Variants in CEP63 observed in about 807,000 individuals in gnomAD.
The protein encoded by CEP63 is centrosomal protein of 63 kDa.
A neutral mutation model predicts 89.1 loss-of-function variants in CEP63; 84 were observed. That is an observed-to-expected ratio of 0.94 (90% CI 0.79 to 1.13). The LOEUF (loss-of-function observed/expected upper bound fraction) is 1.13, where lower values mean the gene tolerates loss of function less well. CEP63 is among the 50% of genes most tolerant of loss of function. CEP63 has a pLI of 0.00. For missense variants in CEP63, 838 were observed against 813.3 expected, an observed-to-expected ratio of 1.03 and a Z score of -0.37; for synonymous variants, 267 against 272.5, an observed-to-expected ratio of 0.98 and a Z score of 0.20.
At chr3:134,723,045 G>T in the CEP63 span, among the ~76,000 whole-genome samples, 3 of 152,166 alleles carry the variant, frequency 2.0e-5, no homozygotes, top group Admixed American at 2.0e-4. Flanking sequence ...CTTGCCAAAT[G>T]CCCTGCTAAA....
chr3:134,598,218 G>C, the CEP63 span, among the ~76,000 whole-genome samples: 12 of 152,156 alleles, frequency 7.9e-5, no homozygotes, highest in Non-Finnish European at 2.9e-5. Flanking sequence ...AACACCCCTC[G>C]TTTCCCTGTG....
the CEP63 span, among the ~76,000 whole-genome samples, chr3:134,656,775 G>T: frequency 1.3e-5 from 2 of 152,298 alleles, no homozygotes; most frequent in South Asian, 4.2e-4. Flanking sequence ...CCCCAGCTCA[G>T]TTGTCAGACT....
chr3:134,551,331 C>T (rs934142667), intron 11 of CEP63, among the ~76,000 whole-genome samples: 2 of 151,936 alleles, frequency 1.3e-5, no homozygotes, highest in Non-Finnish European at 2.9e-5. Context: ...AGAGAAGTGA[C>T]TCAAACCAAA....
chr3:134,681,816 C>G, the CEP63 span, among the ~76,000 whole-genome samples: 1 of 152,206 alleles, frequency 6.6e-6, no homozygotes, highest in Non-Finnish European at 1.5e-5. Context: ...GTCCTCACAA[C>G]CACTCTATGA....
At chr3:134,500,152 G>A (rs1301999083) in intron 2 of CEP63, among the ~76,000 whole-genome samples, 1 of 152,094 alleles carries the variant, frequency 6.6e-6, no homozygotes, top group South Asian at 2.1e-4. Flanking sequence ...ATGTCTGTGT[G>A]TACTCAATGT....
intron 3 of CEP63, among the ~76,000 whole-genome samples, chr3:134,517,289 G>A (rs757624852): frequency 6.6e-6 from 1 of 152,106 alleles, no homozygotes; most frequent in Non-Finnish European, 1.5e-5. Context: ...AATGTGTCTA[G>A]TTAAATAGTT....
the CEP63 span, chr3:134,615,427 A>C: frequency 1.4e-5 from 2 of 147,240 alleles, no homozygotes; most frequent in African/African-American, 2.5e-5. Context: ...CATATTCCTC[A>C]TAGCTGACAT....
At chr3:134,717,897 GA>G in the CEP63 span, among the ~76,000 whole-genome samples, 6 of 152,122 alleles carry the variant, frequency 3.9e-5, no homozygotes, top group African/African-American at 1.4e-4. Flanking sequence ...TTGGTGATGG[GA>G]GCCCACTCTT....
chr3:134,503,434 A>G (rs1283263571), intron 2 of CEP63, among the ~76,000 whole-genome samples: 4 of 152,106 alleles, frequency 2.6e-5, no homozygotes, highest in African/African-American at 7.2e-5. Flanking sequence ...GGCCTAACAT[A>G]TGGTCTATCC....
the CEP63 span, among the ~76,000 whole-genome samples, chr3:134,668,716 C>T: frequency 1.3e-5 from 2 of 152,156 alleles, no homozygotes; most frequent in African/African-American, 4.8e-5. Context: ...CTCTATGGTT[C>T]TTCAGGTTGA....
intron 1 of CEP63, among the ~76,000 whole-genome samples, chr3:134,490,032 A>G (rs1297232346): frequency 2.0e-5 from 3 of 152,004 alleles, no homozygotes; most frequent in African/African-American, 7.3e-5. Context: ...TCATTTATAG[A>G]TTTCTGGTCT....
the CEP63 span, among the ~76,000 whole-genome samples, chr3:134,628,798 C>T: frequency 1.3e-5 from 2 of 152,102 alleles, no homozygotes; most frequent in Non-Finnish European, 2.9e-5. Context: ...GGGGTTAGGC[C>T]ACTTGCCCAA....
the CEP63 span, among the ~76,000 whole-genome samples, chr3:134,667,710 C>T: frequency 2.6e-5 from 4 of 152,158 alleles, no homozygotes; most frequent in Non-Finnish European, 5.9e-5. Context: ...AGCCCTCACC[C>T]CTTGAGAAGG....
the CEP63 span, among the ~76,000 whole-genome samples, chr3:134,655,132 C>T: frequency 6.6e-6 from 1 of 152,150 alleles, no homozygotes; most frequent in Non-Finnish European, 1.5e-5. Flanking sequence ...AAGTACTTAG[C>T]TATGGGTAGT....
chr3:134,673,301 C>G, the CEP63 span, among the ~76,000 whole-genome samples: 1 of 152,138 alleles, frequency 6.6e-6, no homozygotes, highest in African/African-American at 2.4e-5. Context: ...AACCTGACGT[C>G]CCCCCTCCAA....
the CEP63 span, among the ~76,000 whole-genome samples, chr3:134,767,610 C>T: frequency 6.6e-6 from 1 of 152,150 alleles, no homozygotes. Context: ...TTGCAATGGG[C>T]CTTGTAGGTG....
the CEP63 span, among the ~76,000 whole-genome samples, chr3:134,714,746 G>C: frequency 2.0e-5 from 3 of 152,176 alleles, no homozygotes; most frequent in East Asian, 5.8e-4. Context: ...CCACAGTCTT[G>C]GGCTCTGAAG....
At chr3:134,650,337 A>G in the CEP63 span, among the ~76,000 whole-genome samples, 1 of 152,180 alleles carries the variant, frequency 6.6e-6, no homozygotes, top group Non-Finnish European at 1.5e-5. Context: ...GTCTCAAGAA[A>G]GGAGAAACTG....
At position 134,520,851 on chromosome 3, in the gene CEP63, A is replaced by G. The variant is rs567879095; in HGVS notation, c.223-10994A>G. On this transcript the variant is annotated intron_variant, in intron 3 of 14. Transcript: ENST00000675561. ...GGGAAAAAGAAAGATTTTGACTTCT[A>G]GTTTTATACCATATACCAAATTCAA... is the stretch of plus-strand genomic sequence containing the variant. 2.0e-5 allele frequency among the ~76,000 whole-genome samples: 3 copies of G among 152,282 alleles called. No individual in the cohort carries two copies. In the South Asian group the frequency reaches 6.2e-4, roughly 32 times the overall value.
Sources: allele counts gnomAD v4.1 joint callset (sites outside exome capture counted in the v4.1 genomes callset), GRCh38; gene constraint gnomAD v4.1.1; transcripts MANE v1.5; gene names NCBI Gene and HGNC (gene_info 2026-07-23, HGNC 2026-07-21).